Variants in CACNA1C observed in about 807,000 individuals in gnomAD.
CACNA1C encodes the protein calcium voltage-gated channel subunit alpha1 C, also known as voltage-dependent L-type calcium channel subunit alpha-1C.
In CACNA1C, 30 loss-of-function variants were observed where a neutral mutation model predicts 229.0. The ratio of observed to expected loss-of-function variants is 0.13; its 90% CI spans 0.10 to 0.18. The LOEUF (loss-of-function observed/expected upper bound fraction) is 0.18. Ranked by LOEUF, CACNA1C falls within the 10% of genes least tolerant of loss-of-function variation. The pLI is 1.00. For synonymous variants in CACNA1C, 1,114 were observed against 1,132.5 expected, an observed-to-expected ratio of 0.98 and a Z score of 0.33; for missense variants, 1,658 against 2,845.0, an observed-to-expected ratio of 0.58 and a Z score of 9.49.
chr12:2,232,227 GTTTTTTTTTTTTTT>G (rs1169407536), intron 3 of CACNA1C, among the ~76,000 whole-genome samples: 3 of 73,574 alleles, frequency 4.1e-5, no homozygotes, highest in African/African-American at 1.5e-4. Flanking sequence ...GTCTTTCCTT[GTTTTTTTTTTTTTT>G]TTTTTTTTTT....
chr12:2,349,301 G>A (rs909348663), intron 3 of CACNA1C, among the ~76,000 whole-genome samples: 3 of 152,310 alleles, frequency 2.0e-5, no homozygotes, highest in Admixed American at 6.5e-5. Flanking sequence ...GTGGAAAGTG[G>A]CCCCTGGCAG....
At chr12:2,004,789 C>A in intron 1 of CACNA1C, 1 of 242,414 alleles carries the variant, frequency 4.1e-6, no homozygotes, top group Non-Finnish European at 8.1e-6. Flanking sequence ...TTTTCTTTGG[C>A]GCTTCAGTGA....
intron 1 of CACNA1C, among the ~76,000 whole-genome samples, chr12:2,073,744 G>A (rs2154525481): frequency 6.6e-6 from 1 of 152,282 alleles, no homozygotes; most frequent in Non-Finnish European, 1.5e-5. Context: ...AGAATTTCAG[G>A]CATCAGCAAA....
Position 2,287,834 on chromosome 12 carries a change from G to T in CACNA1C, c.478-161142G>T, listed in dbSNP as rs978465161. ...GCTCCCAGGTGACTCGCTGCTGCTG[G>T]CCTGGGACCACACTTTGGAAATCAC... is the stretch of plus-strand genomic sequence containing the variant. On this transcript the variant is annotated intron_variant, in intron 3 of 46. Coordinates refer to ENST00000399655, the MANE Select transcript of CACNA1C (RefSeq NM_000719.7). The surrounding 1 kb of genome is among the most constrained non-coding windows in gnomAD (Gnocchi z 4.6). 2.0e-5 allele frequency among the ~76,000 whole-genome samples: 3 copies of T among 152,150 alleles called. No homozygotes were observed. In the South Asian group the frequency reaches 6.2e-4, roughly 32 times the overall value.
intron 9 of CACNA1C, among the ~76,000 whole-genome samples, chr12:2,527,138 A>G (rs1385094907): frequency 6.6e-6 from 1 of 152,210 alleles, no homozygotes; most frequent in African/African-American, 2.4e-5. Flanking sequence ...TGTTCCCTAA[A>G]TCATGTTCTA....
At chr12:2,322,951 G>A (rs1454687661) in intron 3 of CACNA1C, among the ~76,000 whole-genome samples, 5 of 152,210 alleles carry the variant, frequency 3.3e-5, no homozygotes, top group Non-Finnish European at 2.9e-5. Flanking sequence ...CTGTCCCGAC[G>A]CTGTCTGTTC....
chr12:2,053,033 G>A lies in CACNA1C; in HGVS notation c.-530G>A, dbSNP rs968219918. On this transcript the variant is annotated 5_prime_UTR_variant, in exon 1 of 47. Transcript: ENST00000399655. The surrounding 1 kb of genome is among the most constrained non-coding windows in gnomAD (Gnocchi z 5.8). ...CAGAAACAGCTCCTGCCAGAGCGGC[G>A]CTCGGCGCGGCGCGGCGGGCCCGGA... The A allele has an allele frequency of 8.1e-6, 8 of 984,444 alleles. No homozygotes were observed. The Admixed American group carries it at 2.5e-4, about 30-fold the overall frequency. The allele number at this position is 984,444 out of a possible 1,614,324, so 61.0% of individuals were successfully genotyped here.
At chr12:2,383,445 T>C (rs536524860) in intron 3 of CACNA1C, among the ~76,000 whole-genome samples, 101 of 152,214 alleles carry the variant, frequency 6.6e-4, no homozygotes, top group Admixed American at 2.6e-3. Context: ...GTCCTTGGTT[T>C]CTAAGTAATG....
In CACNA1C at chr12:2,691,139, G is replaced by A. The variant is rs915771697; in HGVS notation, c.6357G>A (p.Ala2119=). Residue 2119 remains alanine (A), a synonymous_variant, in exon 47 of 47, where the codon GCG becomes GCA. Coordinates refer to ENST00000399655, the MANE Select transcript of CACNA1C (RefSeq NM_000719.7). ...AAGAGGACGCGGGCTGTGTGCGCGC[G>A]CGGGGTCGACCGAGTGAGGAGGAGC... is the stretch of plus-strand genomic sequence containing the variant. The part of the protein sequence containing the change: ...GGEEDAGCVR[A]RGRPSEEELQ... 1.9e-6 allele frequency: 3 copies of A among 1,607,030 alleles called. No homozygotes were observed. The highest frequency in any genetic ancestry group is 1.1e-5 in the South Asian group (1 of 90,848).
chr12:2,613,958 G>A (rs2079133666), intron 29 of CACNA1C: 1 of 152,252 alleles, frequency 6.6e-6, no homozygotes, highest in South Asian at 2.1e-4. Context: ...AGTTGACTCA[G>A]ATGTGTTTCT....
intron 19 of CACNA1C, among the ~76,000 whole-genome samples, chr12:2,593,939 A>G (rs543268307): frequency 6.6e-6 from 1 of 152,310 alleles, no homozygotes; most frequent in South Asian, 2.1e-4. Flanking sequence ...GTGGGCCTCT[A>G]CTTACCTATA....
chr12:2,391,324 C>T (rs1595017228), intron 3 of CACNA1C, among the ~76,000 whole-genome samples: 1 of 152,102 alleles, frequency 6.6e-6, no homozygotes, highest in Admixed American at 6.5e-5. Context: ...ACTGACTCCT[C>T]GGTGCACTGA....
chr12:2,278,945 G>C (rs966261446), intron 3 of CACNA1C, among the ~76,000 whole-genome samples: 1 of 152,190 alleles, frequency 6.6e-6, no homozygotes, highest in Non-Finnish European at 1.5e-5. Context: ...TGTGTATGCA[G>C]TGGTATCTCA....
intron 6 of CACNA1C, among the ~76,000 whole-genome samples, chr12:2,492,895 G>A (rs1330254267): frequency 6.6e-6 from 1 of 152,196 alleles, no homozygotes; most frequent in Non-Finnish European, 1.5e-5. Context: ...CTGACATGTT[G>A]CAGCAGAATG....
chr12:2,000,259 A>G (rs1684706889), intron 1 of CACNA1C, among the ~76,000 whole-genome samples: 1 of 152,234 alleles, frequency 6.6e-6, no homozygotes, highest in Admixed American at 6.5e-5. Flanking sequence ...GATACAGGTG[A>G]TAGAACTAGG....
intron 7 of CACNA1C, among the ~76,000 whole-genome samples, chr12:2,499,681 A>G (rs1598177729): frequency 6.6e-6 from 1 of 152,188 alleles, no homozygotes; most frequent in Non-Finnish European, 1.5e-5. Context: ...GAGGCCCTCA[A>G]GGCTACAGAC....
chr12:2,025,962 A>G (rs2047259204), intron 1 of CACNA1C, among the ~76,000 whole-genome samples: 1 of 152,222 alleles, frequency 6.6e-6, no homozygotes, highest in African/African-American at 2.4e-5. Flanking sequence ...ACTGGAAACA[A>G]TAACAGAACA....
At chr12:2,650,210 A>C (rs1369886128) in intron 31 of CACNA1C, among the ~76,000 whole-genome samples, 1 of 152,200 alleles carries the variant, frequency 6.6e-6, no homozygotes, top group African/African-American at 2.4e-5. Context: ...GCTTCTGGGC[A>C]GAGTGGTGGC....
chr12:2,653,785 G>A lies in CACNA1C; in HGVS notation c.4075-50G>A. On this transcript the variant is annotated intron_variant, in intron 32 of 46. Coordinates refer to ENST00000399655, the MANE Select transcript of CACNA1C (RefSeq NM_000719.7). The surrounding 1 kb of genome is among the most constrained non-coding windows in gnomAD (Gnocchi z 4.7). ...GCGGCGCTCCCTGGGAAGGGGCCCAGCTGGCCTCTGCACTCCAGCCTCATG... is the reference window on the plus strand; with the variant it reads ...GCGGCGCTCCCTGGGAAGGGGCCCAACTGGCCTCTGCACTCCAGCCTCATG... The A allele has an allele frequency of 6.5e-7, 1 of 1,537,590 alleles. No homozygotes were observed. The highest frequency in any genetic ancestry group is 9.0e-7 in the Non-Finnish European group (1 of 1,112,378).
Sources: gnomAD v4.1 joint callset for allele counts (sites outside exome capture counted in the v4.1 genomes callset) on GRCh38, gnomAD v4.1.1 for gene constraint, Gnocchi (gnomAD v3.1) non-coding constraint, MANE v1.5 for transcripts, NCBI Gene and HGNC (gene_info 2026-07-23, HGNC 2026-07-21) for gene names.